Variants in MPO observed in about 807,000 individuals in gnomAD.
MPO encodes myeloperoxidase.
A neutral mutation model predicts 69.4 loss-of-function variants in MPO; 57 were observed. That is an observed-to-expected ratio of 0.82 (90% CI 0.66 to 1.02). MPO has a LOEUF of 1.02. MPO is among the 50% of genes least tolerant of loss of function. The pLI is 0.00. For missense variants in MPO, 971 were observed against 1,014.1 expected, an observed-to-expected ratio of 0.96 and a Z score of 0.58; for synonymous variants, 426 against 417.1, an observed-to-expected ratio of 1.02 and a Z score of -0.26.
At chr17:58,272,706 CAG>C (rs769040237) in intron 10 of MPO, 40 bp downstream of exon 10, 1 of 1,603,494 alleles carries the variant, frequency 6.2e-7, no homozygotes, top group South Asian at 1.1e-5. Flanking sequence ...GGAGGCAGCT[CAG>C]GGGAGGTGAG....
At position 58,279,053 on chromosome 17, in the gene MPO, G is replaced by A. The variant is rs968286098; in HGVS notation, c.840C>T (p.Asn280=). The A allele has an allele frequency of 1.2e-6, 2 of 1,612,810 alleles. No individual in the cohort carries two copies. Among genetic ancestry groups the A allele is most frequent in the Non-Finnish European group, 8.5e-7 (1 of 1,179,696 alleles). The change falls in exon 6 of 12, where the codon AAC becomes AAT. Residue 280 remains asparagine, a synonymous_variant. Transcript: ENST00000225275. ...GCTGCTGAACGCAGCTGGTCTCGCA[G>A]TTGACGCCAGTGACGAAGGAGGCCC... is the stretch of plus-strand genomic sequence containing the variant. ...AARASFVTGV[N]CETSCVQQPP...
At position 58,275,140 on chromosome 17, in the gene MPO, G is replaced by GC. The variant is rs1383042981; in HGVS notation, c.1365+401_1365+402insG. On this transcript the variant is annotated intron_variant, in intron 8 of 11. Transcript: ENST00000225275. This position sits in a 1 kb window ranked among gnomAD's most constrained non-coding sequence, Gnocchi z 4.1. Reference sequence around the variant, plus strand: ...CGCCTCCCAAAGTGCTGGGATTACAGGCATGAGCCACCGCGCCCAGCCCTA... The same window carrying GC: ...CGCCTCCCAAAGTGCTGGGATTACAGCGCATGAGCCACCGCGCCCAGCCCTA... Among the ~76,000 whole-genome samples, 1 of 152,128 alleles carries GC rather than the reference G, an allele frequency of 6.6e-6. No homozygotes were observed. The highest frequency in any genetic ancestry group is 2.4e-5 in the African/African-American group (1 of 41,428).
At position 58,278,732 on chromosome 17, in the gene MPO, C is replaced by T. The variant is rs539159501; in HGVS notation, c.885+276G>A. The stretch of plus-strand genomic sequence containing the variant: ...CCTAACAAAGAGCCAGTGATTCCAC[C>T]AACAGGACTCCTGTCAGCCAAGGAG... On this transcript the variant is annotated intron_variant, in intron 6 of 11. Transcript: ENST00000225275. The T allele has an allele frequency of 1.8e-5, 10 of 565,778 alleles. No homozygotes were observed. In the East Asian group the frequency reaches 2.1e-4, roughly 12 times the overall value. 35.0% of individuals were successfully genotyped at this position (565,778 alleles called of 1,614,324 possible).
chr17:58,271,907 G>C lies in MPO; in HGVS notation c.1793-15C>G, dbSNP rs1249419000. On this transcript the variant is annotated splice_polypyrimidine_tract_variant and intron_variant, in intron 10 of 11. Coordinates refer to ENST00000225275, the MANE Select transcript of MPO (RefSeq NM_000250.2). ...GGCATTGTATCCTGCATGGGGGAGG[G>C]GACAGGTGGCTATGGGCAGGTCTCT... 6.2e-7 allele frequency: 1 copy of C among 1,613,000 alleles called. No individual in the cohort carries two copies. Among genetic ancestry groups the C allele is most frequent in the South Asian group, 1.1e-5 (1 of 91,076 alleles).
intron 8 of MPO, chr17:58,274,090 G>T (rs1398939821): frequency 2.2e-6 from 1 of 446,068 alleles, no homozygotes; most frequent in East Asian, 6.9e-5. Context: ...TGAAGTTGTT[G>T]AAATTCTTCA....
chr17:58,278,990 G>GGCGGGAAGCAGGGCCACCTTGA lies in MPO; in HGVS notation c.881_885+17dup, dbSNP rs780848444. 10 of 1,598,528 alleles carry GGCGGGAAGCAGGGCCACCTTGA rather than the reference G, an allele frequency of 6.3e-6. No homozygotes were observed. The East Asian group carries it at 9.0e-5, about 14-fold the overall frequency. On this transcript the variant is annotated intron_variant, in intron 6 of 11. Transcript: ENST00000225275. ...CTCCCCTCTCCCAACCCAGGCAGTG[G>GGCGGGAAGCAGGGCCACCTTGA]GCGGGAAGCAGGGCCACCTTGAGCG...
At chr17:58,280,552 C>T in intron 1 of MPO, 53 bp downstream of exon 1, 1 of 1,614,130 alleles carries the variant, frequency 6.2e-7, no homozygotes, top group Non-Finnish European at 8.5e-7. Context: ...AAAGGGGTCT[C>T]TGGAACACAA....
At position 58,279,918 on chromosome 17, in the gene MPO, G is replaced by A. The variant is rs1598043464; in HGVS notation, c.345C>T (p.Ala115=). The change falls in exon 3 of 12, where the codon GCC becomes GCT. Residue 115 remains alanine, a synonymous_variant. Transcript: ENST00000225275. The part of the protein sequence containing the change: ...PVAATRTAVR[A]ADYLHVALDL... ...CTAGAGCCACGTGCAGGTAGTCAGC[G>A]GCCCTCACCGCCGTCCTGGTGGCTG... 3 of 1,614,022 alleles carry A rather than the reference G, an allele frequency of 1.9e-6. No homozygotes were observed. The highest frequency in any genetic ancestry group is 2.5e-6 in the Non-Finnish European group (3 of 1,180,010).
chr17:58,271,886 T>C lies in MPO; in HGVS notation c.1799A>G (p.Asn600Ser). ...RSRDHGLPGY[N>S]AWRRFCGLPQ... Reference sequence around the variant, plus strand: ...GAGCCCACAGAAGCGCCTCCAGGCATTGTATCCTGCATGGGGGAGGGGACA... The same window carrying C: ...GAGCCCACAGAAGCGCCTCCAGGCACTGTATCCTGCATGGGGGAGGGGACA... Residue 600 changes from asparagine (N) to serine (S), a missense_variant, in exon 11 of 12, where the codon AAT (asparagine) becomes AGT (serine). Asn to Ser is a conservative substitution (Grantham distance 46). Transcript: ENST00000225275. 1 of 1,613,996 alleles carries C rather than the reference T, an allele frequency of 6.2e-7. No individual in the cohort carries two copies. Among genetic ancestry groups the C allele is most frequent in the Non-Finnish European group, 8.5e-7 (1 of 1,180,024 alleles).
intron 6 of MPO, 105 bp from the exon 7 acceptor site, chr17:58,278,250 C>A (rs1409548179): frequency 1.0e-5 from 14 of 1,345,280 alleles, no homozygotes; most frequent in Non-Finnish European, 2.0e-6. Flanking sequence ...CCTCAACCTG[C>A]AGAGAGGCCT....
Position 58,270,908 on chromosome 17 carries a change from G to A in MPO, c.2031-45C>T, listed in dbSNP as rs367673422. 1.9e-6 allele frequency: 3 copies of A among 1,604,104 alleles called. No homozygotes were observed. The African/African-American group carries it at 4.0e-5, about 21-fold the overall frequency. On this transcript the variant is annotated intron_variant, in intron 11 of 11. Coordinates refer to ENST00000225275, the MANE Select transcript of MPO (RefSeq NM_000250.2). The surrounding 1 kb of genome is among the most constrained non-coding windows in gnomAD (Gnocchi z 4.1). ...GGACACTGTGCCCAAGGATATTCTG[G>A]GCTGGCAGGGCATCGATGGGCTTGT...
Position 58,278,022 on chromosome 17 carries a change from C to T in MPO, c.1009G>A (p.Val337Met). Reference protein sequence around the residue: ...RNQINALTSFVDASMVYGSEE... With the variant: ...RNQINALTSFMDASMVYGSEE... ...CTGCCGTACACCATGCTGGCGTCCA[C>T]GAAGGAAGTGAGCGCGTTGATCTGG... The change falls in exon 7 of 12, where the codon GTG becomes ATG. Residue 337 changes from valine to methionine, a missense_variant. Val to Met is a conservative substitution (Grantham distance 21, BLOSUM62 1). Coordinates refer to ENST00000225275, the MANE Select transcript of MPO (RefSeq NM_000250.2). 2 of 1,613,834 alleles carry T rather than the reference C, an allele frequency of 1.2e-6. No individual in the cohort carries two copies. Among genetic ancestry groups the T allele is most frequent in the Non-Finnish European group, 1.7e-6 (2 of 1,180,036 alleles).
At position 58,275,457 on chromosome 17, in the gene MPO, G is replaced by A. The variant is rs538562020; in HGVS notation, c.1365+85C>T. 181 of 1,559,858 alleles carry A rather than the reference G, an allele frequency of 1.2e-4. No homozygotes were observed. The African/African-American group carries it at 1.4e-3, about 12-fold the overall frequency. ...GATGAAGAAGGCAAGGCTCAGGAGC[G>A]TTAGGAACTTGCCCAAGGTCACACA... On this transcript the variant is annotated intron_variant, in intron 8 of 11. Coordinates refer to ENST00000225275, the MANE Select transcript of MPO (RefSeq NM_000250.2). This position sits in a 1 kb window ranked among gnomAD's most constrained non-coding sequence, Gnocchi z 4.1.
chr17:58,277,843 G>T lies in MPO; in HGVS notation c.1188C>A (p.Ile396=), dbSNP rs762436745. Residue 396 remains isoleucine, a synonymous_variant, in exon 7 of 12, where the codon ATC becomes ATA. Coordinates refer to ENST00000225275, the MANE Select transcript of MPO (RefSeq NM_000250.2). ...PCLLTNRSAR[I]PCFLAGDTRS... ...AAAGCTGACCTGCCAGGAAGCAGGG[G>T]ATGCGCGCTGAGCGGTTGGTGAGGA... 6.2e-7 allele frequency: 1 copy of T among 1,604,518 alleles called. No individual in the cohort carries two copies. The highest frequency in any genetic ancestry group is 1.1e-5 in the South Asian group (1 of 91,056).
At position 58,280,464 on chromosome 17, in the gene MPO, C is replaced by G. The variant is rs1256352156; in HGVS notation, c.155-5G>C. ...TGTCCACCTCCCCCAGGACAGCTGC[C>G]CAGAGCAGGGATCACAAAGTCAGGA... On this transcript the variant is annotated splice_region_variant and splice_polypyrimidine_tract_variant and intron_variant, in intron 1 of 11. Coordinates refer to ENST00000225275, the MANE Select transcript of MPO (RefSeq NM_000250.2). 1.2e-6 allele frequency: 2 copies of G among 1,613,854 alleles called. No homozygotes were observed. Among genetic ancestry groups the G allele is most frequent in the East Asian group, 2.2e-5 (1 of 44,848 alleles).
At position 58,278,940 on chromosome 17, in the gene MPO, G is replaced by A. The variant is rs1970474531; in HGVS notation, c.885+68C>T. 4.6e-6 allele frequency: 7 copies of A among 1,517,570 alleles called. No individual in the cohort carries two copies. The Admixed American group carries it at 1.2e-4, about 25-fold the overall frequency. 94.0% of individuals were successfully genotyped at this position (1,517,570 alleles called of 1,614,324 possible). ...GGGAAAGGAAACCTGGGCACAGAAG[G>A]GAGATGGCCCCTTCCAGAAACAATC... On this transcript the variant is annotated intron_variant, in intron 6 of 11. Transcript: ENST00000225275.
intron 9 of MPO, 126 bp from the exon 10 acceptor site, chr17:58,273,044 TG>T: frequency 8.1e-7 from 1 of 1,237,634 alleles, no homozygotes; most frequent in Non-Finnish European, 1.1e-6. Context: ...AAGCAGTGCC[TG>T]GTGCCAAGGT....
At chr17:58,272,054 A>G (rs542809760) in intron 10 of MPO, among the ~76,000 whole-genome samples, 162 bp from the exon 11 acceptor site, 33 of 152,348 alleles carry the variant, frequency 2.2e-4, no homozygotes, top group African/African-American at 7.9e-4. Flanking sequence ...CCTCACCTCA[A>G]GGAACCCTGT....
rs397843937 is a variant in MPO, at chr17:58,275,523, G to A, written c.1365+19C>T. 1.4e-5 allele frequency: 22 copies of A among 1,614,082 alleles called. No homozygotes were observed. The East Asian group carries it at 3.1e-4, about 23-fold the overall frequency. On this transcript the variant is annotated intron_variant, in intron 8 of 11. Transcript: ENST00000225275. The surrounding 1 kb of genome is among the most constrained non-coding windows in gnomAD (Gnocchi z 4.1). ...GGACACATCTGGATCCCGTGTGCCC[G>A]GTGTTCAAGACGGCCTACCTGGACC...
Sources: allele counts gnomAD v4.1 joint callset (sites outside exome capture counted in the v4.1 genomes callset), GRCh38; gene constraint gnomAD v4.1.1; non-coding constraint Gnocchi (gnomAD v3.1); transcripts MANE v1.5; gene names NCBI Gene and HGNC (gene_info 2026-07-23, HGNC 2026-07-21).